Variants in INPP5J observed in about 807,000 individuals in gnomAD.
The protein encoded by INPP5J is inositol polyphosphate-5-phosphatase J, also known as phosphatidylinositol 4,5-bisphosphate 5-phosphatase A.
A neutral mutation model predicts 86.6 loss-of-function variants in INPP5J; 75 were observed. That is an observed-to-expected ratio of 0.87 (90% CI 0.72 to 1.05). The LOEUF is 1.05. INPP5J is among the 50% of genes least tolerant of loss of function. The probability of loss-of-function intolerance (pLI) is 0.00; values close to 1 mark genes in which losing one functional copy is unlikely to be tolerated. For missense variants in INPP5J, 1,229 were observed against 1,341.2 expected, an observed-to-expected ratio of 0.92 and a Z score of 1.31; for synonymous variants, 540 against 550.0, an observed-to-expected ratio of 0.98 and a Z score of 0.25.
chr22:31,127,134 C>A, intron 5 of INPP5J, 97 bp downstream of exon 5: 1 of 913,570 alleles, frequency 1.1e-6, no homozygotes, highest in Non-Finnish European at 1.7e-6. Context: ...TTCCCATCCT[C>A]CACCCTTTAC....
chr22:31,128,187 C>T, intron 7 of INPP5J, 27 bp from the exon 8 acceptor site: 2 of 1,541,036 alleles, frequency 1.3e-6, no homozygotes, highest in East Asian at 2.3e-5. Flanking sequence ...AGCTGTTGTC[C>T]AATCTGCTCT....
chr22:31,128,353 G>A (rs369753196), intron 8 of INPP5J, 30 bp downstream of exon 8: 3 of 1,566,450 alleles, frequency 1.9e-6, no homozygotes, highest in African/African-American at 2.7e-5. Context: ...GGACTGAGGG[G>A]AAGTGGGCTG....
Position 31,128,208 on chromosome 22 carries a change from C to A in INPP5J, c.1900-6C>A. 2 of 1,585,270 alleles carry A rather than the reference C, an allele frequency of 1.3e-6. No homozygotes were observed. Among genetic ancestry groups the A allele is most frequent in the East Asian group, 2.3e-5 (1 of 43,514 alleles). On this transcript the variant is annotated splice_region_variant and splice_polypyrimidine_tract_variant and intron_variant, in intron 7 of 12. Transcript: ENST00000331075. ...TGTCCAATCTGCTCTCCTGGACCCC[C>A]CACAGCTCAACATGGCCAAGAACAC...
At position 31,134,042 on chromosome 22, in the gene INPP5J, A is replaced by G; in HGVS notation, c.2644A>G (p.Lys882Glu). 1 of 1,599,964 alleles carries G rather than the reference A, an allele frequency of 6.3e-7. No individual in the cohort carries two copies. Among genetic ancestry groups the G allele is most frequent in the South Asian group, 1.1e-5 (1 of 88,796 alleles). Residue 882 changes from lysine (K) to glutamate (E), a missense_variant, in exon 13 of 13, where the codon AAG becomes GAG. By Grantham distance (56) the Lys-to-Glu change is moderately conservative. Coordinates refer to ENST00000331075, the MANE Select transcript of INPP5J (RefSeq NM_001284285.2). The stretch of plus-strand genomic sequence containing the variant: ...CCGCAGCCCCAGTCCTGGCAAGTCC[A>G]AGCGACACCGCAGCCGCAGCCCGGG... Reference protein sequence around the residue: ...KSRSPSPGKSKRHRSRSPGLA... With the variant: ...KSRSPSPGKSERHRSRSPGLA...
intron 2 of INPP5J, 71 bp downstream of exon 2, chr22:31,126,081 T>A (rs912038359): frequency 3.0e-6 from 4 of 1,339,982 alleles, no homozygotes. Flanking sequence ...CCAGGGTGGA[T>A]GGTGTGCTCT....
chr22:31,133,828 C>T lies in INPP5J; in HGVS notation c.2515-85C>T, dbSNP rs190794264. The T allele has an allele frequency of 3.1e-6, 5 of 1,597,454 alleles. No individual in the cohort carries two copies. In the African/African-American group the frequency reaches 5.4e-5, roughly 17 times the overall value. The stretch of plus-strand genomic sequence containing the variant: ...AATAACCTGACCTCCCAAGATCTGC[C>T]AACGAGAGAGGCAGACCTCGGGAGG... On this transcript the variant is annotated intron_variant, in intron 12 of 12. Transcript: ENST00000331075.
At chr22:31,130,362 A>G (rs1359594175) in intron 9 of INPP5J, among the ~76,000 whole-genome samples, 2 of 151,808 alleles carry the variant, frequency 1.3e-5, no homozygotes, top group Non-Finnish European at 2.9e-5. Context: ...TAAAAATAAA[A>G]ATAAAATTTA....
chr22:31,123,111 C>T lies in INPP5J; in HGVS notation c.97C>T (p.Pro33Ser). The T allele has an allele frequency of 1.4e-6, 2 of 1,480,716 alleles. No individual in the cohort carries two copies. The highest frequency in any genetic ancestry group is 2.9e-5 in the East Asian group (1 of 34,190). 91.7% of individuals were successfully genotyped at this position (1,480,716 alleles called of 1,614,324 possible). The change falls in exon 1 of 13, where the codon CCC (proline) becomes TCC (serine). Residue 33 changes from proline to serine, a missense_variant. Pro to Ser is a moderately conservative substitution (Grantham distance 74, BLOSUM62 -1). Transcript: ENST00000331075. ...MPQGVAQTGAPSKVDSSFQLP... is the reference protein window; with the variant it reads ...MPQGVAQTGASSKVDSSFQLP... ...CCAGGGTGTTGCCCAAACTGGGGCA[C>T]CCTCCAAGGTAAGACCCCTGAGACC...
Position 31,126,983 on chromosome 22 carries a change from C to T in INPP5J, c.1557C>T (p.Pro519=), listed in dbSNP as rs1265661229. The T allele has an allele frequency of 6.2e-7, 1 of 1,610,340 alleles. No individual in the cohort carries two copies. Among genetic ancestry groups the T allele is most frequent in the Non-Finnish European group, 8.5e-7 (1 of 1,178,350 alleles). Residue 519 remains proline, a synonymous_variant, in exon 5 of 13, where the codon CCC becomes CCT. Coordinates refer to ENST00000331075, the MANE Select transcript of INPP5J (RefSeq NM_001284285.2). ...TGTTCGCCAAGTACTACCACCTGCC[C>T]TTCCTGCGAGACGTGCAGACCGACT... ...LLLFAKYYHL[P]FLRDVQTDCT...
rs1344447859 is a variant in INPP5J at position 31,125,365 on chromosome 22, T to C, written c.626T>C (p.Val209Ala). 3.9e-6 allele frequency: 6 copies of C among 1,550,442 alleles called. No individual in the cohort carries two copies. Among genetic ancestry groups the C allele is most frequent in the Non-Finnish European group, 5.2e-6 (6 of 1,146,922 alleles). ...ACCCCTTCCCCGGTGCCCAGTCCAG[T>C]TCTGTCTCCAACTCAGGAACAGGCC... Reference protein sequence around the residue: ...PSTPSPVPSPVLSPTQEQALA... With the variant: ...PSTPSPVPSPALSPTQEQALA... The change falls in exon 2 of 13, where the codon GTT (valine) becomes GCT (alanine). Residue 209 changes from valine to alanine, a missense_variant. Transcript: ENST00000331075.
Position 31,125,058 on chromosome 22 carries a change from G to T in INPP5J, c.319G>T (p.Ala107Ser). The T allele has an allele frequency of 6.5e-7, 1 of 1,550,010 alleles. No homozygotes were observed. Among genetic ancestry groups the T allele is most frequent in the Non-Finnish European group, 8.7e-7 (1 of 1,147,162 alleles). Reference protein sequence around the residue: ...TATAHRSSSLAPTSVGQLVMS... With the variant: ...TATAHRSSSLSPTSVGQLVMS... The stretch of plus-strand genomic sequence containing the variant: ...TACTGCCCACCGCAGCTCCAGCCTG[G>T]CCCCAACATCTGTGGGCCAGCTGGT... Residue 107 changes from alanine (A) to serine (S), a missense_variant, in exon 2 of 13, where the codon GCC (alanine) becomes TCC (serine). Transcript: ENST00000331075.
intron 1 of INPP5J, 81 bp downstream of exon 1, chr22:31,123,200 C>G: frequency 4.7e-6 from 4 of 843,322 alleles, no homozygotes; most frequent in Non-Finnish European, 6.9e-6. Context: ...TGCAGGCTCC[C>G]TGGTGCTCCT....
At position 31,126,919 on chromosome 22, in the gene INPP5J, A is replaced by G. The variant is rs1246165762; in HGVS notation, c.1495-2A>G. The G allele has an allele frequency of 6.2e-7, 1 of 1,603,930 alleles. No individual in the cohort carries two copies. Among genetic ancestry groups the G allele is most frequent in the Non-Finnish European group, 8.5e-7 (1 of 1,173,780 alleles). ...CCCCAGCCACGTGGCCTCCCGCTGC[A>G]GGTGAGTTCGGTGAGGATGCAGGGT... On this transcript the variant is annotated splice_acceptor_variant, in intron 4 of 12. Transcript: ENST00000331075. LOFTEE classifies it high-confidence loss of function.
rs1403603330 is a variant in INPP5J at position 31,125,999 on chromosome 22, C to T, written c.1260C>T (p.Asp420=). 2 of 1,569,288 alleles carry T rather than the reference C, an allele frequency of 1.3e-6. No individual in the cohort carries two copies. Among genetic ancestry groups the T allele is most frequent in the East Asian group, 2.3e-5 (1 of 44,220 alleles). ...PWSAQPTWKS[D]PGFRITVVTW... is the part of the protein sequence containing the mutation. Reference sequence around the variant, plus strand: ...CAGCTCAGCCTACCTGGAAGAGCGACCCCGGCTTCCGGTGAGGGGGCCCTC... The same window carrying T: ...CAGCTCAGCCTACCTGGAAGAGCGATCCCGGCTTCCGGTGAGGGGGCCCTC... The change falls in exon 2 of 13, where the codon GAC becomes GAT. Residue 420 remains aspartate, a synonymous_variant. Transcript: ENST00000331075.
chr22:31,125,540 C>G lies in INPP5J; in HGVS notation c.801C>G (p.Pro267=). 1.3e-6 allele frequency: 2 copies of G among 1,550,610 alleles called. No individual in the cohort carries two copies. The highest frequency in any genetic ancestry group is 2.4e-5 in the South Asian group (2 of 84,068). Residue 267 remains proline (P), a synonymous_variant, in exon 2 of 13, where the codon CCC becomes CCG. Coordinates refer to ENST00000331075, the MANE Select transcript of INPP5J (RefSeq NM_001284285.2). ...CATCTGGTCCTACAGGCTCCCCACC[C>G]TGCATCCAAACCTCCCCAGACCCTC... ...AQTSGPTGSP[P]CIQTSPDPRL...
intron 9 of INPP5J, among the ~76,000 whole-genome samples, chr22:31,132,247 C>G (rs114972333): frequency 0.01 from 1,558 of 152,314 alleles, 37 homozygotes; most frequent in African/African-American, 0.036. Context: ...CATCCTCCCA[C>G]GCAGAGCTCT....
chr22:31,124,792 G>C, intron 1 of INPP5J, 53 bp from the exon 2 acceptor site: 1 of 1,504,030 alleles, frequency 6.6e-7, no homozygotes, highest in Non-Finnish European at 9.1e-7. Context: ...TGGAAGTTGG[G>C]GCCCAATGCC....
At chr22:31,128,385 C>A in intron 8 of INPP5J, 62 bp downstream of exon 8, 1 of 1,570,266 alleles carries the variant, frequency 6.4e-7, no homozygotes, top group Non-Finnish European at 8.7e-7. Flanking sequence ...AACAGGGAGA[C>A]TTTGGGAAGA....
At chr22:31,133,057 C>T (rs9917541) in intron 9 of INPP5J, 41 bp from the exon 10 acceptor site, 2 of 1,551,772 alleles carry the variant, frequency 1.3e-6, no homozygotes, top group African/African-American at 1.4e-5. Flanking sequence ...ACTAGAGGGT[C>T]TCCCCTGATG....
Sources: allele counts gnomAD v4.1 joint callset (sites outside exome capture counted in the v4.1 genomes callset), GRCh38; gene constraint gnomAD v4.1.1; transcripts MANE v1.5; gene names NCBI Gene and HGNC (gene_info 2026-07-23, HGNC 2026-07-21).